The following ERCC6L variants were observed in gnomAD, a reference collection of about 807,000 sequenced individuals.
ERCC6L encodes the protein ERCC excision repair 6 like, spindle assembly checkpoint helicase, also known as DNA excision repair protein ERCC-6-like.
Under a neutral mutation model 20.1 loss-of-function variants are expected in ERCC6L, and 7 were observed. That is an observed-to-expected ratio of 0.35 (90% CI 0.20 to 0.65). The LOEUF (loss-of-function observed/expected upper bound fraction) is 0.65. Ranked by LOEUF, ERCC6L falls within the 30% of genes least tolerant of loss-of-function variation. ERCC6L has a pLI of 0.69. For missense variants in ERCC6L, 592 were observed against 892.4 expected, an observed-to-expected ratio of 0.66 and a Z score of 4.29; for synonymous variants, 278 against 331.3, an observed-to-expected ratio of 0.84 and a Z score of 1.75.
intron 1 of ERCC6L, among the ~76,000 whole-genome samples, chrX:72,227,194 G>A: frequency 8.9e-6 from 1 of 111,810 alleles, no homozygotes; most frequent in Admixed American, 9.5e-5. Flanking sequence ...GGCTTCTACT[G>A]TCACCTCCAA....
rs745382389 is a variant in ERCC6L at position 72,205,262 on chromosome X, C to G, written c.3505G>C (p.Ala1169Pro). ...WLMTSKPSALAQETSLGAPEP... is the reference protein window; with the variant it reads ...WLMTSKPSALPQETSLGAPEP... ...GGGGCACCAAGAGAGGTCTCTTGAG[C>G]TAGAGCACTAGGCTTAGACGTCATT... Residue 1169 changes from alanine (A) to proline (P), a missense_variant, in exon 2 of 2, where the codon GCT becomes CCT. This residue lies in a region of ERCC6L where 352 missense variants were observed against 402.6 expected (regional missense o/e 0.87). Coordinates refer to ENST00000334463, the MANE Select transcript of ERCC6L (RefSeq NM_017669.4). 26 of 1,210,237 alleles carry G rather than the reference C, an allele frequency of 2.1e-5. No homozygotes were observed. In the South Asian group the frequency reaches 4.4e-4, roughly 20 times the overall value.
chrX:72,216,267 C>T (rs1483734675), intron 1 of ERCC6L, among the ~76,000 whole-genome samples: 1 of 108,671 alleles, frequency 9.2e-6, no homozygotes, highest in African/African-American at 3.4e-5. Context: ...ATCTACAAGC[C>T]AAAAAGCTCC....
chrX:72,219,457 G>A (rs915309397), intron 1 of ERCC6L, among the ~76,000 whole-genome samples: 2 of 109,949 alleles, frequency 1.8e-5, no homozygotes, highest in Non-Finnish European at 3.8e-5. Flanking sequence ...AGGAGGCAGA[G>A]GCAGGAGAAT....
In ERCC6L at chrX:72,207,409, T is replaced by C; in HGVS notation, c.1358A>G (p.Asp453Gly). 8.3e-7 allele frequency: 1 copy of C among 1,211,404 alleles called. No individual in the cohort carries two copies. Among genetic ancestry groups the C allele is most frequent in the Non-Finnish European group, 1.1e-6 (1 of 895,322 alleles). Reference sequence around the variant, plus strand: ...TTTTCCAGATTCTTCCATCAATGTGTCATCAGTTACTTGATCAATATGGTC... The same window carrying C: ...TTTTCCAGATTCTTCCATCAATGTGCCATCAGTTACTTGATCAATATGGTC... ...DVDHIDQVTDDTLMEESGKMI... is the reference protein window; with the variant it reads ...DVDHIDQVTDGTLMEESGKMI... The change falls in exon 2 of 2, where the codon GAC (aspartate) becomes GGC (glycine). Residue 453 changes from aspartate (D) to glycine (G), a missense_variant. Physicochemically the swap from Asp to Gly is moderately conservative, Grantham distance 94. Transcript: ENST00000334463.
chrX:72,206,721 C>G lies in ERCC6L; in HGVS notation c.2046G>C (p.Leu682=). 8.3e-7 allele frequency: 1 copy of G among 1,211,441 alleles called. No individual in the cohort carries two copies. Among genetic ancestry groups the G allele is most frequent in the Non-Finnish European group, 1.1e-6 (1 of 895,478 alleles). The change falls in exon 2 of 2, where the codon CTG becomes CTC. Residue 682 remains leucine (L), a synonymous_variant. Coordinates refer to ENST00000334463, the MANE Select transcript of ERCC6L (RefSeq NM_017669.4). ...CCACATCAAGCTCTTCTTTAACAGACAGATCACATGTGTACATCAAATCAT... is the reference window on the plus strand; with the variant it reads ...CCACATCAAGCTCTTCTTTAACAGAGAGATCACATGTGTACATCAAATCAT... ...SDHDLMYTCD[L]SVKEELDVVE...
intron 1 of ERCC6L, among the ~76,000 whole-genome samples, chrX:72,220,011 C>G (rs1183780808): frequency 9.0e-6 from 1 of 111,307 alleles, no homozygotes; most frequent in Non-Finnish European, 1.9e-5. Flanking sequence ...TGTAGATACC[C>G]TTGATCAGGT....
intron 1 of ERCC6L, among the ~76,000 whole-genome samples, chrX:72,230,576 G>A (rs966963108): frequency 1.8e-5 from 2 of 112,374 alleles, no homozygotes; most frequent in Non-Finnish European, 1.9e-5. Flanking sequence ...GCTGCATTTT[G>A]TTTCTTTCCT....
At chrX:72,218,614 C>T (rs1227241343) in intron 1 of ERCC6L, among the ~76,000 whole-genome samples, 2 of 109,555 alleles carry the variant, frequency 1.8e-5, no homozygotes, top group Non-Finnish European at 3.8e-5. Flanking sequence ...CTGCCTCAAC[C>T]TCCCGAGCAG....
chrX:72,231,337 T>C (rs969985102), intron 1 of ERCC6L, among the ~76,000 whole-genome samples: 6 of 111,492 alleles, frequency 5.4e-5, no homozygotes, highest in African/African-American at 1.6e-4. Flanking sequence ...AAATACTCCA[T>C]GATCTCGCTT....
intron 1 of ERCC6L, among the ~76,000 whole-genome samples, chrX:72,226,210 C>T (rs1017825070): frequency 2.7e-5 from 3 of 111,561 alleles, no homozygotes; most frequent in African/African-American, 9.8e-5. Flanking sequence ...ATTGAAAGTT[C>T]TCTCACCATG....
chrX:72,223,926 C>A (rs1476794026), intron 1 of ERCC6L, among the ~76,000 whole-genome samples: 1 of 111,092 alleles, frequency 9.0e-6, no homozygotes, highest in Non-Finnish European at 1.9e-5. Flanking sequence ...AACTTGTGGT[C>A]TTTGGGGACA....
chrX:72,218,094 C>T (rs1288999859), intron 1 of ERCC6L, among the ~76,000 whole-genome samples: 1 of 109,937 alleles, frequency 9.1e-6, no homozygotes, highest in East Asian at 2.9e-4. Context: ...CACGGTGAAA[C>T]CCTGTCTCTA....
chrX:72,237,493 G>GA (rs2147608014), intron 1 of ERCC6L, among the ~76,000 whole-genome samples: 1 of 111,264 alleles, frequency 9.0e-6, no homozygotes, highest in South Asian at 3.8e-4. Flanking sequence ...AGCTACTCGG[G>GA]AGGCTGAGGC....
In ERCC6L at chrX:72,205,424, C is replaced by T; in HGVS notation, c.3343G>A (p.Asp1115Asn). The T allele has an allele frequency of 8.3e-7, 1 of 1,211,994 alleles. No homozygotes were observed. The highest frequency in any genetic ancestry group is 1.1e-6 in the Non-Finnish European group (1 of 895,592). ...DHVEDMEERL[D>N]DSSEAKGPED... ...GGACCCTTTGCTTCACTGCTGTCGT[C>T]AAGTCTTTCCTCCATGTCCTCCACG... Residue 1115 changes from aspartate (D) to asparagine (N), a missense_variant, in exon 2 of 2, where the codon GAC (aspartate) becomes AAC (asparagine). Asp to Asn is a conservative substitution (Grantham distance 23). Transcript: ENST00000334463.
chrX:72,235,229 G>A (rs946034663), intron 1 of ERCC6L, among the ~76,000 whole-genome samples: 1 of 111,027 alleles, frequency 9.0e-6, no homozygotes, highest in Admixed American at 9.6e-5. Flanking sequence ...CCTTTCTGGA[G>A]GCTCTAGGGG....
intron 1 of ERCC6L, among the ~76,000 whole-genome samples, chrX:72,234,842 T>C (rs1010297220): frequency 3.6e-5 from 4 of 111,077 alleles, no homozygotes; most frequent in Non-Finnish European, 5.7e-5. Flanking sequence ...GCAAGAGAGA[T>C]GAGGGTGAGA....
intron 1 of ERCC6L, among the ~76,000 whole-genome samples, chrX:72,222,790 G>A (rs1234395995): frequency 1.9e-5 from 2 of 107,175 alleles, no homozygotes; most frequent in African/African-American, 6.8e-5. Context: ...TAGAGACAGG[G>A]TTTCATCATG....
rs1028513985 is a variant in ERCC6L at position 72,238,998 on chromosome X, T to C, written c.-87A>G. 8.4e-6 allele frequency: 8 copies of C among 949,873 alleles called. No homozygotes were observed. The Admixed American group carries it at 1.0e-4, about 12-fold the overall frequency. 78.3% of individuals were successfully genotyped at this position (949,873 alleles called of 1,213,427 possible). ...GAGCTTGGAGCTTAGAGTTTGGAGC[T>C]TGAATTTCGCTCACTCCCGCCCCGC... On this transcript the variant is annotated 5_prime_UTR_variant, in exon 1 of 2. Coordinates refer to ENST00000334463, the MANE Select transcript of ERCC6L (RefSeq NM_017669.4).
chrX:72,214,447 T>C (rs1249436835), intron 1 of ERCC6L, among the ~76,000 whole-genome samples: 1 of 105,461 alleles, frequency 9.5e-6, no homozygotes, highest in Non-Finnish European at 2.0e-5. Context: ...GCCGAGGCGG[T>C]TGGATCACCT....
Sources: gnomAD v4.1 joint callset for allele counts (sites outside exome capture counted in the v4.1 genomes callset) on GRCh38, gnomAD v4.1.1 for gene constraint, gnomAD v4.1.1 regional missense constraint, MANE v1.5 for transcripts, NCBI Gene and HGNC (gene_info 2026-07-23, HGNC 2026-07-21) for gene names.